The following TJP1 variants were observed in gnomAD, a reference collection of about 807,000 sequenced individuals.
The protein encoded by TJP1 is tight junction protein ZO-1.
In TJP1, 43 loss-of-function variants were observed where a neutral mutation model predicts 194.2. The observed-to-expected ratio is 0.22, with a 90% CI of 0.17 to 0.29. TJP1 has a LOEUF of 0.29. Ranked by LOEUF, TJP1 falls within the 10% of genes least tolerant of loss-of-function variation. TJP1 has a pLI of 1.00. For missense variants in TJP1, 1,971 were observed against 2,185.7 expected (o/e 0.90, Z 1.96); for synonymous variants, 801 against 779.0 (o/e 1.03, Z -0.47).
chr15:29,780,771 T>C lies in TJP1; in HGVS notation c.85-7414A>G, dbSNP rs531324084. On this transcript the variant is annotated intron_variant, in intron 2 of 27. Coordinates refer to ENST00000614355, the MANE Select transcript of TJP1 (RefSeq NM_001330239.4). The stretch of plus-strand genomic sequence containing the variant: ...TGAAGAGGAAGAATTCGAGACCAAA[T>C]CTGAAATTTTAAAAGGTCATTTTAG... 7.2e-5 allele frequency among the ~76,000 whole-genome samples: 11 copies of C among 152,118 alleles called. No homozygotes were observed. The South Asian group carries it at 2.3e-3, about 32-fold the overall frequency.
At chr15:29,908,386 C>A (rs999961398) in intron 2 of TJP1, among the ~76,000 whole-genome samples, 2 of 152,110 alleles carry the variant, frequency 1.3e-5, no homozygotes, top group South Asian at 4.1e-4. Flanking sequence ...ATTAATGATG[C>A]CTACAAAATT....
intron 2 of TJP1, among the ~76,000 whole-genome samples, chr15:29,871,389 C>T (rs992912348): frequency 6.6e-6 from 1 of 152,248 alleles, no homozygotes; most frequent in Non-Finnish European, 1.5e-5. Flanking sequence ...TCCAGCTCCC[C>T]TCACTCCCAC....
At chr15:29,892,402 TATG>T (rs2053341866) in intron 2 of TJP1, among the ~76,000 whole-genome samples, 1 of 152,206 alleles carries the variant, frequency 6.6e-6, no homozygotes, top group Non-Finnish European at 1.5e-5. Context: ...GAAGATCTGG[TATG>T]ATAATTGATA....
At chr15:29,793,269 G>T (rs952124031) in intron 2 of TJP1, among the ~76,000 whole-genome samples, 1 of 152,138 alleles carries the variant, frequency 6.6e-6, no homozygotes, top group Non-Finnish European at 1.5e-5. Flanking sequence ...TTGTGTTGAG[G>T]CATGTTCCTT....
At chr15:29,800,151 G>A (rs1768613929) in intron 2 of TJP1, among the ~76,000 whole-genome samples, 2 of 152,172 alleles carry the variant, frequency 1.3e-5, no homozygotes, top group African/African-American at 4.8e-5. Flanking sequence ...AAAGTTCTTA[G>A]TCCCACCAAG....
rs1489304054 is a variant in TJP1 at position 29,710,887 on chromosome 15, G to A, written c.4316C>T (p.Ser1439Phe). 6.2e-7 allele frequency: 1 copy of A among 1,614,154 alleles called. No homozygotes were observed. Among genetic ancestry groups the A allele is most frequent in the South Asian group, 1.1e-5 (1 of 91,084 alleles). Residue 1439 changes from serine to phenylalanine, a missense_variant, in exon 24 of 28, where the codon TCT becomes TTT. This residue lies in a region of TJP1 where 1,108 missense variants were observed against 1,128.5 expected (regional missense o/e 0.98). Coordinates refer to ENST00000614355, the MANE Select transcript of TJP1 (RefSeq NM_001330239.4). ...PPLPSQYAQP[S>F]QPVTSASLHI... ...GAGAGACGCGCTGGTGACAGGCTGA[G>A]ATGGCTGGGCATACTGCGAGGGCAA...
intron 2 of TJP1, among the ~76,000 whole-genome samples, chr15:29,900,717 G>A (rs576275688): frequency 3.3e-5 from 5 of 152,180 alleles, no homozygotes; most frequent in Middle Eastern, 3.2e-3. Context: ...CCCAGTGTAC[G>A]GCACATGGGC....
intron 2 of TJP1, among the ~76,000 whole-genome samples, chr15:29,850,675 C>G (rs1303823713): frequency 1.3e-5 from 2 of 150,398 alleles, no homozygotes; most frequent in Non-Finnish European, 3.0e-5. Flanking sequence ...TGTTATATAG[C>G]AATAAATAAA....
At chr15:29,858,452 A>G (rs2051946534) in intron 2 of TJP1, among the ~76,000 whole-genome samples, 1 of 152,186 alleles carries the variant, frequency 6.6e-6, no homozygotes, top group Non-Finnish European at 1.5e-5. Context: ...TATTAATCCA[A>G]TGATTATATA....
At chr15:29,723,078 A>T (rs561116113) in intron 18 of TJP1, among the ~76,000 whole-genome samples, 1 of 152,242 alleles carries the variant, frequency 6.6e-6, no homozygotes, top group Admixed American at 6.5e-5. Context: ...GCCTTGTCTC[A>T]GATGAGACTT....
chr15:29,737,688 T>C (rs1249298032), intron 10 of TJP1, among the ~76,000 whole-genome samples: 2 of 152,206 alleles, frequency 1.3e-5, no homozygotes, highest in African/African-American at 4.8e-5. Context: ...AAACAATGTT[T>C]TCTCAACTCT....
At chr15:29,835,907 C>G (rs946635559) in intron 2 of TJP1, among the ~76,000 whole-genome samples, 3 of 137,160 alleles carry the variant, frequency 2.2e-5, no homozygotes, top group Admixed American at 7.1e-5. Context: ...GAGAGAGAGA[C>G]AGAGAGAGAC....
At chr15:29,711,627 A>C (rs1272359411) in intron 23 of TJP1, among the ~76,000 whole-genome samples, 1 of 152,144 alleles carries the variant, frequency 6.6e-6, no homozygotes, top group Non-Finnish European at 1.5e-5. Context: ...CTGCTTCTTA[A>C]AAGTGCTGGG....
chr15:29,702,432 C>T (rs1044667246), intron 27 of TJP1, among the ~76,000 whole-genome samples: 6 of 152,312 alleles, frequency 3.9e-5, no homozygotes, highest in African/African-American at 1.4e-4. Flanking sequence ...GACTATATGT[C>T]TCTGTGGTGT....
At chr15:29,908,100 A>AAAG (rs1430084229) in intron 2 of TJP1, among the ~76,000 whole-genome samples, 1 of 146,552 alleles carries the variant, frequency 6.8e-6, no homozygotes, top group African/African-American at 2.5e-5. Context: ...AAGAAGAAGG[A>AAAG]AAGATAAAGA....
At chr15:29,812,759 G>A (rs1197274686) in intron 1 of TJP1, among the ~76,000 whole-genome samples, 1 of 152,178 alleles carries the variant, frequency 6.6e-6, no homozygotes, top group African/African-American at 2.4e-5. Context: ...TAACAGAATT[G>A]TGAAGATTAA....
chr15:29,766,314 G>A lies in TJP1; in HGVS notation c.541C>T (p.Pro181Ser), dbSNP rs2046327361. Reference protein sequence around the residue: ...SDRRSVASSQPAKPTKVTLVK... With the variant: ...SDRRSVASSQSAKPTKVTLVK... ...AGTGTGACTTTAGTAGGTTTAGCAG[G>A]CTGGCTGGAAGCCACTGACCGCCTG... The change falls in exon 5 of 28, where the codon CCT (proline) becomes TCT (serine). Residue 181 changes from proline (P) to serine (S), a missense_variant. Around this residue, in one of 5 missense-constraint regions of TJP1, gnomAD observed 245 missense variants for 336.6 expected, o/e 0.73. Transcript: ENST00000614355. 6.2e-7 allele frequency: 1 copy of A among 1,614,150 alleles called. No individual in the cohort carries two copies. The highest frequency in any genetic ancestry group is 8.5e-7 in the Non-Finnish European group (1 of 1,180,014).
intron 26 of TJP1, among the ~76,000 whole-genome samples, chr15:29,704,934 A>G (rs763728666): frequency 6.6e-6 from 1 of 152,236 alleles, no homozygotes; most frequent in Non-Finnish European, 1.5e-5. Flanking sequence ...TTTGTTTAGG[A>G]AGTAAAAGCA....
intron 8 of TJP1, among the ~76,000 whole-genome samples, chr15:29,748,382 A>T (rs1280154180): frequency 6.6e-6 from 1 of 152,160 alleles, no homozygotes; most frequent in Non-Finnish European, 1.5e-5. Flanking sequence ...CTAGAGTTAC[A>T]GCACAAAATA....
Sources: allele counts gnomAD v4.1 joint callset (sites outside exome capture counted in the v4.1 genomes callset), GRCh38; gene constraint gnomAD v4.1.1; regional missense constraint gnomAD v4.1.1; transcripts MANE v1.5; gene names NCBI Gene and HGNC (gene_info 2026-07-23, HGNC 2026-07-21).